FMO4: variants seen among roughly 807,000 people sequenced by gnomAD.
FMO4 encodes flavin containing dimethylaniline monoxygenase 4, also known as dimethylaniline monooxygenase [N-oxide-forming] 4.
Under a neutral mutation model 43.3 loss-of-function variants are expected in FMO4, and 38 were observed. The ratio of observed to expected loss-of-function variants is 0.88; its 90% CI spans 0.68 to 1.15. The LOEUF is 1.15. Among genes scored for constraint, FMO4 ranks in the 50% most tolerant of loss-of-function variants. FMO4 has a pLI of 0.00. For synonymous variants in FMO4, 224 were observed against 232.2 expected (o/e 0.96, Z 0.32); for missense variants, 631 against 663.3 (o/e 0.95, Z 0.54).
chr1:171,329,835 T>C (rs747948784), intron 5 of FMO4, among the ~76,000 whole-genome samples: 2 of 152,330 alleles, frequency 1.3e-5, no homozygotes, highest in South Asian at 4.1e-4. Context: ...TTCAGCATAG[T>C]TGGTTTAGCA....
chr1:171,340,506 A>T (rs1316226992), intron 9 of FMO4, among the ~76,000 whole-genome samples: 1 of 152,208 alleles, frequency 6.6e-6, no homozygotes, highest in Non-Finnish European at 1.5e-5. Context: ...ATTAAACTTG[A>T]AGCAGTCGTC....
intron 8 of FMO4, among the ~76,000 whole-genome samples, chr1:171,335,468 A>G (rs1663082723): frequency 6.6e-6 from 1 of 152,224 alleles, no homozygotes; most frequent in Non-Finnish European, 1.5e-5. Context: ...TCTCTAAAGC[A>G]GGGCAAATTT....
At chr1:171,331,553 T>C (rs1662899698) in intron 5 of FMO4, 87 bp from the exon 6 acceptor site, 3 of 1,307,750 alleles carry the variant, frequency 2.3e-6, no homozygotes. Context: ...GTTGTGGGAC[T>C]TCCCTTTTTC....
chr1:171,316,080 G>A (rs1662185567), intron 1 of FMO4, 106 bp from the exon 2 acceptor site: 1 of 152,100 alleles, frequency 6.6e-6, no homozygotes. Flanking sequence ...GGTACCCAGG[G>A]CATATTTGTT....
chr1:171,324,655 A>T (rs1043724171), intron 5 of FMO4, among the ~76,000 whole-genome samples: 1 of 152,172 alleles, frequency 6.6e-6, no homozygotes, highest in African/African-American at 2.4e-5. Flanking sequence ...CCTGTAATAG[A>T]ACTTACAGGA....
At chr1:171,334,303 C>A (rs890480837) in intron 7 of FMO4, 108 bp from the exon 8 acceptor site, 2 of 668,508 alleles carry the variant, frequency 3.0e-6, no homozygotes, top group African/African-American at 3.6e-5. Flanking sequence ...TTGGTTAATT[C>A]TCTTCCTTAG....
intron 9 of FMO4, among the ~76,000 whole-genome samples, chr1:171,339,419 C>T (rs1663263001): frequency 6.6e-6 from 1 of 152,118 alleles, no homozygotes; most frequent in Non-Finnish European, 1.5e-5. Context: ...GAGAGCTTGA[C>T]AGCCAAGGTA....
intron 6 of FMO4, 135 bp downstream of exon 6, chr1:171,331,917 C>A (rs1242115100): frequency 8.1e-5 from 58 of 715,114 alleles, no homozygotes; most frequent in Non-Finnish European, 1.1e-4. Context: ...AAAAAAAAAA[C>A]ATTGAAAATC....
chr1:171,322,978 A>C, intron 3 of FMO4, 26 bp from the exon 4 acceptor site: 1 of 1,587,878 alleles, frequency 6.3e-7, no homozygotes, highest in Non-Finnish European at 8.6e-7. Flanking sequence ...CATTATCCCA[A>C]CAAGCTAACT....
At chr1:171,340,622 T>C (rs1176697909) in intron 9 of FMO4, among the ~76,000 whole-genome samples, 1 of 152,192 alleles carries the variant, frequency 6.6e-6, no homozygotes, top group African/African-American at 2.4e-5. Flanking sequence ...TATTTCTTTT[T>C]AATTATTTTA....
chr1:171,330,117 A>G (rs1378448835), intron 5 of FMO4, among the ~76,000 whole-genome samples: 1 of 152,240 alleles, frequency 6.6e-6, no homozygotes, highest in Non-Finnish European at 1.5e-5. Context: ...GAATGAATCA[A>G]TGACTGAATA....
At chr1:171,339,373 A>G (rs982003712) in intron 9 of FMO4, among the ~76,000 whole-genome samples, 1 of 152,178 alleles carries the variant, frequency 6.6e-6, no homozygotes, top group African/African-American at 2.4e-5. Context: ...TAGACTCAAT[A>G]CTGGTATTCT....
chr1:171,325,698 T>C (rs1337690996), intron 5 of FMO4, among the ~76,000 whole-genome samples: 2 of 151,938 alleles, frequency 1.3e-5, no homozygotes, highest in Non-Finnish European at 2.9e-5. Flanking sequence ...ACATTTTCTA[T>C]AGGAAAATGT....
intron 5 of FMO4, among the ~76,000 whole-genome samples, chr1:171,324,950 A>G (rs753384909): frequency 9.9e-5 from 15 of 152,136 alleles, no homozygotes; most frequent in Admixed American, 2.0e-4. Flanking sequence ...TTTACTAAAA[A>G]TACAAAAATT....
At chr1:171,328,471 G>A (rs1036413049) in intron 5 of FMO4, among the ~76,000 whole-genome samples, 5 of 152,124 alleles carry the variant, frequency 3.3e-5, no homozygotes, top group East Asian at 2.0e-4. Flanking sequence ...GACAACATGC[G>A]AAACACTGTC....
At chr1:171,317,542 T>C (rs1229871760) in intron 2 of FMO4, among the ~76,000 whole-genome samples, 1 of 152,176 alleles carries the variant, frequency 6.6e-6, no homozygotes, top group Non-Finnish European at 1.5e-5. Context: ...GCCCATTTGA[T>C]TGAGGCAAAA....
chr1:171,319,901 C>T lies in FMO4; in HGVS notation c.76C>T (p.Leu26=). 4 of 1,613,834 alleles carry T rather than the reference C, an allele frequency of 2.5e-6. No individual in the cohort carries two copies. The highest frequency in any genetic ancestry group is 3.4e-6 in the Non-Finnish European group (4 of 1,179,816). The change falls in exon 3 of 10, where the codon CTG becomes TTG. Residue 26 remains leucine, a synonymous_variant. Transcript: ENST00000367749. ...CATCAAATGCTGTGTGGATGAGGAC[C>T]TGGAGCCCACCTGCTTTGAGAGAAG... ...SSIKCCVDED[L]EPTCFERSDD...
chr1:171,327,316 C>T (rs1025098537), intron 5 of FMO4, among the ~76,000 whole-genome samples: 1 of 152,204 alleles, frequency 6.6e-6, no homozygotes, highest in Admixed American at 6.5e-5. Flanking sequence ...CATCTTAATG[C>T]CTTCTCTTCT....
rs1662561780 is a variant in FMO4, at chr1:171,324,190, G to A, written c.374G>A (p.Trp125Ter). Reference sequence around the variant, plus strand: ...CCAGACTTCTCCGAAACTGGTCAGTGGGATGTTGTCACAGAGACAGAGGGC... The same window carrying A: ...CCAGACTTCTCCGAAACTGGTCAGTAGGATGTTGTCACAGAGACAGAGGGC... ...KRPDFSETGQ[W>*]DVVTETEGKQ... The change falls in exon 5 of 10, where the codon TGG becomes TAG. Residue 125 changes from tryptophan to a stop codon, truncating the protein, a stop_gained. Coordinates refer to ENST00000367749, the MANE Select transcript of FMO4 (RefSeq NM_002022.3). LOFTEE classifies it high-confidence loss of function. 1 of 1,613,572 alleles carries A rather than the reference G, an allele frequency of 6.2e-7. No individual in the cohort carries two copies. Among genetic ancestry groups the A allele is most frequent in the African/African-American group, 1.3e-5 (1 of 74,872 alleles).
Sources: gnomAD v4.1 joint callset for allele counts (sites outside exome capture counted in the v4.1 genomes callset) on GRCh38, gnomAD v4.1.1 for gene constraint, MANE v1.5 for transcripts, NCBI Gene and HGNC (gene_info 2026-07-23, HGNC 2026-07-21) for gene names.